CFAP47: variants seen among roughly 807,000 people sequenced by gnomAD.
CFAP47 encodes the protein cilia- and flagella-associated protein 47.
A neutral mutation model predicts 148.1 loss-of-function variants in CFAP47; 29 were observed. That is an observed-to-expected ratio of 0.20 (90% CI 0.15 to 0.27). The LOEUF (loss-of-function observed/expected upper bound fraction) is 0.27, where lower values mean the gene tolerates loss of function less well. Ranked by LOEUF, CFAP47 falls within the 10% of genes least tolerant of loss-of-function variation. The probability of loss-of-function intolerance (pLI) is 1.00; values close to 1 mark genes in which losing one functional copy is unlikely to be tolerated. For synonymous variants in CFAP47, 664 were observed against 577.3 expected (o/e 1.15, Z -2.15); for missense variants, 1,872 against 1,697.5 (o/e 1.10, Z -1.81).
At chrX:35,974,298 A>G (rs1162340513) in intron 13 of CFAP47, among the ~76,000 whole-genome samples, 1 of 111,809 alleles carries the variant, frequency 8.9e-6, no homozygotes, top group Non-Finnish European at 1.9e-5. Context: ...ACCTTGAAGA[A>G]GTGCTATACA....
At chrX:36,292,399 G>A (rs1463949197) in intron 51 of CFAP47, among the ~76,000 whole-genome samples, 1 of 111,860 alleles carries the variant, frequency 8.9e-6, no homozygotes, top group Non-Finnish European at 1.9e-5. Flanking sequence ...ATACCCATTA[G>A]TTGTTTGTTT....
chrX:35,967,996 G>A (rs1936435222), intron 10 of CFAP47, among the ~76,000 whole-genome samples, 164 bp downstream of exon 10: 1 of 109,902 alleles, frequency 9.1e-6, no homozygotes, highest in Non-Finnish European at 1.9e-5. Flanking sequence ...TTTACATGGA[G>A]TGACATGGTT....
chrX:36,169,787 T>A (rs1287460668), intron 39 of CFAP47, among the ~76,000 whole-genome samples: 3 of 111,567 alleles, frequency 2.7e-5, no homozygotes, highest in African/African-American at 9.8e-5. Context: ...TTCATCAGGC[T>A]TTTGTTTGAC....
intron 53 of CFAP47, 31 bp from the exon 54 acceptor site, chrX:36,303,818 A>G (rs923950213): frequency 8.1e-5 from 69 of 854,647 alleles, no homozygotes; most frequent in Non-Finnish European, 9.6e-5. Context: ...TATGAATACC[A>G]GCAACTTTAC....
At position 35,951,827 on chromosome X, in the gene CFAP47, G is replaced by C. The variant is rs1936169892; in HGVS notation, c.910G>C (p.Asp304His). The C allele has an allele frequency of 8.7e-7, 1 of 1,147,667 alleles. No individual in the cohort carries two copies. The highest frequency in any genetic ancestry group is 3.2e-5 in the East Asian group (1 of 30,957). The allele number at this position is 1,147,667 out of a possible 1,213,427, so 94.6% of individuals were successfully genotyped here. The change falls in exon 6 of 64, where the codon GAT (aspartate) becomes CAT (histidine). Residue 304 changes from aspartate (D) to histidine (H), a missense_variant. Asp to His is a moderately conservative substitution (Grantham distance 81). Coordinates refer to ENST00000378653, the MANE Select transcript of CFAP47 (RefSeq NM_001304548.2). ...GGGTACAGATATTCAACAAAGAACAGATATTGCTTTAAATAATCTCACCTA... is the reference window on the plus strand; with the variant it reads ...GGGTACAGATATTCAACAAAGAACACATATTGCTTTAAATAATCTCACCTA... Reference protein sequence around the residue: ...ELGTDIQQRTDIALNNLTYIR... With the variant: ...ELGTDIQQRTHIALNNLTYIR...
chrX:36,313,609 C>T (rs1941411435), intron 56 of CFAP47, among the ~76,000 whole-genome samples: 1 of 111,197 alleles, frequency 9.0e-6, no homozygotes, highest in Non-Finnish European at 1.9e-5. Flanking sequence ...TAGGCAATCT[C>T]ATTTTGTCTT....
chrX:36,285,343 T>TA (rs1207679971), intron 50 of CFAP47, among the ~76,000 whole-genome samples: 4 of 111,872 alleles, frequency 3.6e-5, no homozygotes, highest in African/African-American at 9.7e-5. Context: ...AACTTAAAAG[T>TA]AAAACATTCC....
intron 51 of CFAP47, among the ~76,000 whole-genome samples, chrX:36,292,820 G>A (rs1311700590): frequency 2.7e-5 from 3 of 111,343 alleles, no homozygotes; most frequent in Non-Finnish European, 3.8e-5. Flanking sequence ...GAATTAACTG[G>A]AGACTTTTAA....
chrX:36,351,688 GAGT>G (rs1241336305), intron 59 of CFAP47, among the ~76,000 whole-genome samples: 1 of 111,819 alleles, frequency 8.9e-6, no homozygotes, highest in Non-Finnish European at 1.9e-5. Context: ...AATTAAACGT[GAGT>G]TCTGTAAATA....
intron 49 of CFAP47, among the ~76,000 whole-genome samples, chrX:36,269,288 C>T (rs782217209): frequency 8.9e-6 from 1 of 111,925 alleles, no homozygotes; most frequent in Non-Finnish European, 1.9e-5. Context: ...AACAAATGGT[C>T]AGACAATTCA....
At chrX:36,165,859 CCTT>C (rs769840904) in intron 39 of CFAP47, among the ~76,000 whole-genome samples, 89 of 110,772 alleles carry the variant, frequency 8.0e-4, no homozygotes, top group African/African-American at 2.6e-3. Flanking sequence ...TTTCAAATTT[CCTT>C]CTTCTTATAA....
intron 30 of CFAP47, among the ~76,000 whole-genome samples, chrX:36,096,185 T>C (rs1938272761): frequency 9.0e-6 from 1 of 111,489 alleles, no homozygotes; most frequent in Admixed American, 9.6e-5. Flanking sequence ...ATTCTTGTTT[T>C]ATTCCATTGT....
intron 7 of CFAP47, among the ~76,000 whole-genome samples, chrX:35,954,783 A>G: frequency 9.0e-6 from 1 of 111,448 alleles, no homozygotes. Context: ...CTTCTATTCC[A>G]TTGTCCATTA....
Position 36,298,978 on chromosome X carries a change from A to G in CFAP47, c.7688A>G (p.Asp2563Gly), listed in dbSNP as rs1941271692. 1.8e-6 allele frequency: 2 copies of G among 1,137,578 alleles called. No individual in the cohort carries two copies. The highest frequency in any genetic ancestry group is 2.4e-6 in the Non-Finnish European group (2 of 848,441). 93.7% of individuals were successfully genotyped at this position (1,137,578 alleles called of 1,213,427 possible). ...EIMEMTCIALDSTCIEIPLSN... is the reference protein window; with the variant it reads ...EIMEMTCIALGSTCIEIPLSN... ...TACATATTTGTTGTATAATTCTAGG[A>G]CAGCACTTGCATTGAAATACCTCTC... The change falls in exon 52 of 64, where the codon GAC (aspartate) becomes GGC (glycine). Residue 2563 changes from aspartate to glycine, a missense_variant and splice_region_variant. Coordinates refer to ENST00000378653, the MANE Select transcript of CFAP47 (RefSeq NM_001304548.2).
intron 30 of CFAP47, among the ~76,000 whole-genome samples, chrX:36,092,903 G>T (rs1374978499): frequency 1.8e-5 from 2 of 109,899 alleles, no homozygotes; most frequent in African/African-American, 6.6e-5. Flanking sequence ...CCCCCTCACT[G>T]CCTGACTACC....
chrX:36,200,935 G>T (rs1939973842), intron 43 of CFAP47, among the ~76,000 whole-genome samples: 1 of 110,188 alleles, frequency 9.1e-6, no homozygotes, highest in Non-Finnish European at 1.9e-5. Context: ...TTTTTGACAG[G>T]TGTCTTTTTT....
At chrX:36,183,598 A>G (rs907926245) in intron 40 of CFAP47, among the ~76,000 whole-genome samples, 1 of 112,127 alleles carries the variant, frequency 8.9e-6, no homozygotes, top group Admixed American at 9.5e-5. Context: ...GCTTTAAAAT[A>G]ATGATAGACT....
At chrX:36,348,921 A>G (rs1556017006) in intron 58 of CFAP47, among the ~76,000 whole-genome samples, 1 of 111,796 alleles carries the variant, frequency 8.9e-6, no homozygotes. Context: ...ACTTTGTCCT[A>G]CATGTGCATA....
intron 18 of CFAP47, among the ~76,000 whole-genome samples, chrX:35,995,968 T>C (rs1936842382): frequency 9.0e-6 from 1 of 111,095 alleles, no homozygotes; most frequent in Non-Finnish European, 1.9e-5. Flanking sequence ...TGAAAATGAG[T>C]GAGAACGCAA....
Sources: allele counts gnomAD v4.1 joint callset (sites outside exome capture counted in the v4.1 genomes callset), GRCh38; gene constraint gnomAD v4.1.1; transcripts MANE v1.5; gene names NCBI Gene and HGNC (gene_info 2026-07-23, HGNC 2026-07-21).